The following GLRA3 variants were observed in gnomAD, a reference collection of about 807,000 sequenced individuals.
GLRA3 encodes glycine receptor subunit alpha-3.
GLRA3 carries 44 observed loss-of-function variants against 60.4 expected under a neutral mutation model. The ratio of observed to expected loss-of-function variants is 0.73; its 90% confidence interval spans 0.57 to 0.94. The LOEUF (loss-of-function observed/expected upper bound fraction) is 0.94. Ranked by LOEUF, GLRA3 falls within the 40% of genes least tolerant of loss-of-function variation. The pLI, the probability that GLRA3 is intolerant of heterozygous loss-of-function variation, is 0.00. For missense variants in GLRA3, 508 were observed against 564.6 expected, an observed-to-expected ratio of 0.90 and a Z score of 1.02; for synonymous variants, 223 against 192.9, an observed-to-expected ratio of 1.16 and a Z score of -1.29.
chr4:174,734,091 GA>G (rs1415051788), intron 3 of GLRA3, among the ~76,000 whole-genome samples: 1 of 152,074 alleles, frequency 6.6e-6, no homozygotes, highest in East Asian at 1.9e-4. Flanking sequence ...TAGCCAGATG[GA>G]AAAAATAATC....
intron 2 of GLRA3, among the ~76,000 whole-genome samples, chr4:174,783,797 A>G (rs1363450154): frequency 2.0e-5 from 3 of 151,900 alleles, no homozygotes; most frequent in Admixed American, 1.3e-4. Context: ...TTAGAGTGGC[A>G]ATCATTAAAA....
At chr4:174,730,861 G>T (rs1736522350) in intron 3 of GLRA3, among the ~76,000 whole-genome samples, 1 of 152,030 alleles carries the variant, frequency 6.6e-6, no homozygotes, top group Non-Finnish European at 1.5e-5. Context: ...ACCACATGAG[G>T]CCCCTGGATG....
intron 2 of GLRA3, among the ~76,000 whole-genome samples, chr4:174,774,393 C>T (rs1031077193): frequency 2.8e-4 from 42 of 150,992 alleles, no homozygotes; most frequent in African/African-American, 4.9e-5. Context: ...TGTGTGTGTG[C>T]ATGCATATGT....
intron 4 of GLRA3, among the ~76,000 whole-genome samples, chr4:174,725,513 C>T (rs1442159158): frequency 1.3e-5 from 2 of 152,114 alleles, no homozygotes; most frequent in Non-Finnish European, 2.9e-5. Flanking sequence ...CAGGGACTTG[C>T]TTTTTTACCC....
chr4:174,726,615 T>C (rs1190020721), intron 4 of GLRA3, among the ~76,000 whole-genome samples: 1 of 152,294 alleles, frequency 6.6e-6, no homozygotes, highest in East Asian at 1.9e-4. Flanking sequence ...AAGTCTAGGA[T>C]GTACGAAGCA....
intron 7 of GLRA3, among the ~76,000 whole-genome samples, chr4:174,671,096 A>G (rs1361055479): frequency 6.6e-6 from 1 of 152,114 alleles, no homozygotes; most frequent in Admixed American, 6.5e-5. Flanking sequence ...TATGTTGCTT[A>G]TATCAAACAC....
At chr4:174,646,964 A>C (rs1732842647) in intron 9 of GLRA3, among the ~76,000 whole-genome samples, 1 of 152,204 alleles carries the variant, frequency 6.6e-6, no homozygotes, top group South Asian at 2.1e-4. Context: ...TGAGGTAGCC[A>C]AAGTGCTACA....
chr4:174,816,501 G>A (rs1439941695), intron 1 of GLRA3, among the ~76,000 whole-genome samples: 1 of 152,136 alleles, frequency 6.6e-6, no homozygotes, highest in Admixed American at 6.5e-5. Context: ...TTGTCCATAG[G>A]ACTGTTCCTT....
intron 2 of GLRA3, among the ~76,000 whole-genome samples, chr4:174,777,745 TAATA>T (rs1011110071): frequency 8.5e-5 from 13 of 152,142 alleles, no homozygotes; most frequent in African/African-American, 3.1e-4. Context: ...TCATCAATAA[TAATA>T]AATATACCAC....
chr4:174,825,398 T>C (rs2111408647), intron 1 of GLRA3, among the ~76,000 whole-genome samples: 1 of 152,236 alleles, frequency 6.6e-6, no homozygotes, highest in East Asian at 1.9e-4. Flanking sequence ...AATATTACAT[T>C]TTTTATTATT....
intron 5 of GLRA3, 91 bp downstream of exon 5, chr4:174,715,397 G>T: frequency 1.5e-6 from 1 of 682,018 alleles, no homozygotes; most frequent in South Asian, 1.8e-5. Flanking sequence ...TGACCAAAAT[G>T]ATTACAAAAT....
intron 3 of GLRA3, among the ~76,000 whole-genome samples, chr4:174,756,796 C>T (rs1337726871): frequency 6.6e-6 from 1 of 152,128 alleles, no homozygotes; most frequent in Non-Finnish European, 1.5e-5. Flanking sequence ...AGGCACCCGT[C>T]ACCTCCCCTG....
chr4:174,757,847 T>C (rs1203458344), intron 3 of GLRA3, among the ~76,000 whole-genome samples: 1 of 152,060 alleles, frequency 6.6e-6, no homozygotes, highest in Non-Finnish European at 1.5e-5. Context: ...CCAAATCTCG[T>C]GTTGAAATTT....
At chr4:174,682,741 A>G (rs1298947981) in intron 6 of GLRA3, 61 bp downstream of exon 6, 2 of 1,211,454 alleles carry the variant, frequency 1.7e-6, no homozygotes, top group East Asian at 4.7e-5. Flanking sequence ...TATAATGAAG[A>G]AACATCTGGA....
intron 3 of GLRA3, among the ~76,000 whole-genome samples, chr4:174,756,034 A>G (rs1264842331): frequency 1.3e-5 from 2 of 152,154 alleles, no homozygotes; most frequent in Non-Finnish European, 2.9e-5. Flanking sequence ...AATTCATTGA[A>G]AAACAAAACT....
chr4:174,723,857 A>T (rs1736218521), intron 4 of GLRA3, among the ~76,000 whole-genome samples: 2 of 149,954 alleles, frequency 1.3e-5, no homozygotes, highest in Non-Finnish European at 3.0e-5. Context: ...TTTAATTCAT[A>T]AGTGATACAT....
At chr4:174,681,326 T>TG (rs1439454337) in intron 6 of GLRA3, among the ~76,000 whole-genome samples, 1 of 152,206 alleles carries the variant, frequency 6.6e-6, no homozygotes, top group African/African-American at 2.4e-5. Context: ...CTGGATTAAA[T>TG]GATATCTCCC....
At chr4:174,646,387 C>G (rs920397373) in intron 9 of GLRA3, among the ~76,000 whole-genome samples, 3 of 152,180 alleles carry the variant, frequency 2.0e-5, no homozygotes, top group African/African-American at 4.8e-5. Flanking sequence ...AATACCCAGC[C>G]TGGGCTGTTA....
intron 1 of GLRA3, among the ~76,000 whole-genome samples, chr4:174,808,932 AAAGT>A (rs1383679073): frequency 1.5e-4 from 23 of 152,206 alleles, no homozygotes; most frequent in Non-Finnish European, 3.1e-4. Context: ...GAAAGTTTAT[AAAGT>A]AAGAGTTACC....
Sources: allele counts gnomAD v4.1 joint callset (sites outside exome capture counted in the v4.1 genomes callset), GRCh38; gene constraint gnomAD v4.1.1; transcripts MANE v1.5; gene names NCBI Gene and HGNC (gene_info 2026-07-23, HGNC 2026-07-21).